Variants in PCDH9 observed in about 807,000 individuals in gnomAD.
PCDH9 encodes protocadherin 9, also known as protocadherin-9.
Under a neutral mutation model 70.6 loss-of-function variants are expected in PCDH9, and 24 were observed. The observed-to-expected ratio is 0.34, with a 90% CI of 0.25 to 0.48. The LOEUF (loss-of-function observed/expected upper bound fraction) is 0.48. Among genes scored for constraint, PCDH9 ranks in the 20% least tolerant of loss-of-function variants. PCDH9 has a pLI of 0.99. For synonymous variants in PCDH9, 562 were observed against 558.5 expected (o/e 1.01, Z -0.09); for missense variants, 1,281 against 1,503.6 (o/e 0.85, Z 2.45).
chr13:67,147,109 G>A (rs1047398646), intron 2 of PCDH9, among the ~76,000 whole-genome samples: 1 of 152,122 alleles, frequency 6.6e-6, no homozygotes, highest in African/African-American at 2.4e-5. Flanking sequence ...GTAGCCTACA[G>A]CATTTTTTTA....
At chr13:66,609,398 C>T (rs192129508) in intron 4 of PCDH9, among the ~76,000 whole-genome samples, 24 of 152,110 alleles carry the variant, frequency 1.6e-4, no homozygotes, top group African/African-American at 5.8e-4. Flanking sequence ...ACATGGTTAT[C>T]TCCTCGTAGA....
intron 4 of PCDH9, among the ~76,000 whole-genome samples, chr13:66,503,336 T>C (rs761337398): frequency 6.6e-6 from 1 of 152,108 alleles, no homozygotes; most frequent in African/African-American, 2.4e-5. Context: ...CTGTTTAAAA[T>C]ACGTATTTCC....
intron 2 of PCDH9, among the ~76,000 whole-genome samples, chr13:66,952,546 A>T (rs982068765): frequency 3.9e-5 from 6 of 152,218 alleles, no homozygotes; most frequent in Admixed American, 1.3e-4. Flanking sequence ...TGTAAAGAGT[A>T]GCACGAAGCC....
intron 4 of PCDH9, among the ~76,000 whole-genome samples, chr13:66,557,500 C>T (rs978068920): frequency 4.6e-5 from 7 of 152,122 alleles, no homozygotes; most frequent in Non-Finnish European, 1.0e-4. Context: ...GAAACATATG[C>T]TTCTCATCTG....
At chr13:66,370,244 C>A (rs745802825) in intron 4 of PCDH9, among the ~76,000 whole-genome samples, 3 of 151,896 alleles carry the variant, frequency 2.0e-5, no homozygotes, top group Non-Finnish European at 2.9e-5. Flanking sequence ...ATGTAATAAT[C>A]TAGAAAAATA....
chr13:67,093,558 TTTAGATAAAAACAGTGTGA>T (rs2138218215), intron 2 of PCDH9, among the ~76,000 whole-genome samples: 1 of 152,214 alleles, frequency 6.6e-6, no homozygotes, highest in East Asian at 1.9e-4. Flanking sequence ...AGTAACAGAT[TTTAGATAAAAACAGTGTGA>T]TTATTTCCTT....
intron 4 of PCDH9, 70 bp from the exon 5 acceptor site, chr13:66,305,098 G>T: frequency 1.5e-6 from 2 of 1,327,602 alleles, no homozygotes; most frequent in Non-Finnish European, 2.0e-6. Flanking sequence ...TTATCTTAGA[G>T]AAAAAGTATG....
At chr13:67,111,011 C>T (rs993931286) in intron 2 of PCDH9, among the ~76,000 whole-genome samples, 2 of 152,176 alleles carry the variant, frequency 1.3e-5, no homozygotes, top group Non-Finnish European at 2.9e-5. Flanking sequence ...AGTGACTACT[C>T]AATGCATATG....
At chr13:66,387,096 C>T (rs902318737) in intron 4 of PCDH9, among the ~76,000 whole-genome samples, 14 of 152,132 alleles carry the variant, frequency 9.2e-5, no homozygotes, top group Admixed American at 6.6e-4. Context: ...AAATGGTCTT[C>T]ATGAACATAT....
chr13:67,173,447 C>A (rs2088354317), intron 2 of PCDH9, among the ~76,000 whole-genome samples: 1 of 152,042 alleles, frequency 6.6e-6, no homozygotes, highest in Non-Finnish European at 1.5e-5. Context: ...CCAACTACAA[C>A]CCTGATTCAC....
chr13:66,648,328 C>T (rs79985932), intron 3 of PCDH9, among the ~76,000 whole-genome samples: 4 of 152,280 alleles, frequency 2.6e-5, no homozygotes, highest in African/African-American at 9.6e-5. Context: ...GCTTGAGTCA[C>T]CCCTCCTCCA....
intron 4 of PCDH9, chr13:66,323,478 A>G (rs1244288723): frequency 6.6e-6 from 1 of 152,018 alleles, no homozygotes; most frequent in Non-Finnish European, 1.5e-5. Context: ...GGCAAAACTA[A>G]TAAGATTTTA....
intron 4 of PCDH9, among the ~76,000 whole-genome samples, chr13:66,553,339 C>T (rs1031701280): frequency 6.6e-6 from 1 of 152,076 alleles, no homozygotes. Flanking sequence ...TATTGATTGA[C>T]TGAATTAATA....
chr13:66,925,840 A>G (rs762853668), intron 2 of PCDH9, among the ~76,000 whole-genome samples: 1 of 152,014 alleles, frequency 6.6e-6, no homozygotes, highest in Non-Finnish European at 1.5e-5. Flanking sequence ...TAATTTAATC[A>G]TCATTCATTG....
chr13:67,110,181 A>G (rs892921305), intron 2 of PCDH9, among the ~76,000 whole-genome samples: 2 of 151,792 alleles, frequency 1.3e-5, no homozygotes, highest in South Asian at 4.2e-4. Context: ...TGCTATGCAA[A>G]AGTGTTAATA....
intron 2 of PCDH9, among the ~76,000 whole-genome samples, chr13:66,954,925 G>A (rs1029214356): frequency 1.1e-4 from 17 of 152,030 alleles, no homozygotes; most frequent in African/African-American, 1.9e-4. Context: ...CTCCACGCCC[G>A]GCTAATTTTT....
At chr13:66,960,596 T>G (rs182119555) in intron 2 of PCDH9, among the ~76,000 whole-genome samples, 53 of 152,326 alleles carry the variant, frequency 3.5e-4, no homozygotes, top group African/African-American at 1.2e-3. Context: ...CATGAAGTAG[T>G]AAAGATATAA....
chr13:66,727,263 A>G (rs574189011), intron 3 of PCDH9, among the ~76,000 whole-genome samples: 9 of 152,296 alleles, frequency 5.9e-5, no homozygotes, highest in African/African-American at 1.7e-4. Flanking sequence ...CCTGTCTCAA[A>G]AAAGGTAAAT....
intron 4 of PCDH9, among the ~76,000 whole-genome samples, chr13:66,586,646 C>T (rs78650465): frequency 0.058 from 8,875 of 151,964 alleles, 324 homozygotes; most frequent in South Asian, 0.1. Flanking sequence ...ATAATTGGCC[C>T]GAGGAAGGGA....
Sources: allele counts gnomAD v4.1 joint callset (sites outside exome capture counted in the v4.1 genomes callset), GRCh38; gene constraint gnomAD v4.1.1; transcripts MANE v1.5; gene names NCBI Gene and HGNC (gene_info 2026-07-23, HGNC 2026-07-21).